Variants in KCNG2 observed in about 807,000 individuals in gnomAD.
KCNG2 encodes the protein potassium voltage-gated channel modifier subfamily G member 2, also known as voltage-gated potassium channel regulatory subunit KCNG2.
A neutral mutation model predicts 12.3 loss-of-function variants in KCNG2; 7 were observed. The observed-to-expected ratio is 0.57, with a 90% CI of 0.32 to 1.07. The LOEUF (loss-of-function observed/expected upper bound fraction) is 1.07. KCNG2 is among the 50% of genes least tolerant of loss of function. The pLI is 0.04. For synonymous variants in KCNG2, 414 were observed against 351.4 expected (o/e 1.18, Z -1.99); for missense variants, 703 against 726.0 (o/e 0.97, Z 0.36).
chr18:79,825,794 G>A (rs139021520), intron 1 of KCNG2, among the ~76,000 whole-genome samples: 2 of 152,248 alleles, frequency 1.3e-5, no homozygotes, highest in African/African-American at 4.8e-5. Context: ...TACCTGTATC[G>A]TCTGGGGGAA....
intron 3 of KCNG2, among the ~76,000 whole-genome samples, chr18:79,867,599 G>C (rs1052116659): frequency 8.0e-5 from 12 of 149,974 alleles, no homozygotes; most frequent in East Asian, 2.0e-4. Context: ...CGTGTCTGGG[G>C]GGGGACCGTG....
intron 3 of KCNG2, among the ~76,000 whole-genome samples, chr18:79,872,475 G>A (rs543213364): frequency 2.6e-5 from 4 of 151,928 alleles, no homozygotes; most frequent in Non-Finnish European, 5.9e-5. Context: ...TAGTAGAGAC[G>A]GGTTTCACCA....
chr18:79,830,940 C>T (rs1978294602), intron 1 of KCNG2, among the ~76,000 whole-genome samples: 3 of 52,962 alleles, frequency 5.7e-5, no homozygotes, highest in Admixed American at 1.6e-4. Flanking sequence ...GGGTTCCCTG[C>T]GGACAGAGCC....
intron 1 of KCNG2, among the ~76,000 whole-genome samples, chr18:79,823,248 G>A (rs577335326): frequency 1.1e-4 from 16 of 152,302 alleles, no homozygotes; most frequent in East Asian, 3.9e-4. Context: ...TTTACTCAGC[G>A]ACCTTGCTCT....
rs373805073 is a variant in KCNG2, at chr18:79,828,755, CTA to C, written c.-114-27622_-114-27621del. On this transcript the variant is annotated intron_variant, in intron 1 of 3. Transcript: ENST00000316249. The stretch of plus-strand genomic sequence containing the variant: ...TGTGCATGTGTCTGTGTGTGGGTGT[CTA>C]TGTGTGCGTGTGTGTAACGTGTCTG... Among the ~76,000 whole-genome samples the C allele has an allele frequency of 2.2e-3, 296 of 131,686 alleles. No individual in the cohort carries two copies. The Middle Eastern group carries it at 0.029, about 13-fold the overall frequency. The allele number at this position is 131,686 out of a possible 152,430, so 86.4% of individuals were successfully genotyped here.
chr18:79,823,065 C>T (rs2087584210), intron 1 of KCNG2, among the ~76,000 whole-genome samples: 1 of 152,236 alleles, frequency 6.6e-6, no homozygotes, highest in Admixed American at 6.5e-5. Context: ...TCCTCCTGCA[C>T]AGCCAGGCAG....
At chr18:79,854,863 A>G (rs367959457) in intron 1 of KCNG2, among the ~76,000 whole-genome samples, 4 of 151,978 alleles carry the variant, frequency 2.6e-5, no homozygotes, top group African/African-American at 9.7e-5. Context: ...TGGTGATTTT[A>G]CTTTCTCCTC....
chr18:79,879,519 A>G (rs913689296), intron 3 of KCNG2, among the ~76,000 whole-genome samples: 2 of 152,222 alleles, frequency 1.3e-5, no homozygotes, highest in East Asian at 3.9e-4. Context: ...GGTGAAGAGG[A>G]TCTCTCAGAA....
At chr18:79,881,902 C>T (rs11662267) in intron 3 of KCNG2, among the ~76,000 whole-genome samples, 1 of 152,030 alleles carries the variant, frequency 6.6e-6, no homozygotes, top group African/African-American at 2.4e-5. Context: ...GGAATAGAAC[C>T]ACATGAATGG....
chr18:79,880,206 C>T (rs915374513), intron 3 of KCNG2, among the ~76,000 whole-genome samples: 1 of 150,426 alleles, frequency 6.6e-6, no homozygotes, highest in East Asian at 2.0e-4. Flanking sequence ...AATAAATGGC[C>T]AGATCAGCAT....
intron 1 of KCNG2, among the ~76,000 whole-genome samples, chr18:79,802,427 C>T (rs1375014497): frequency 6.6e-6 from 1 of 151,636 alleles, no homozygotes; most frequent in African/African-American, 2.4e-5. Flanking sequence ...GGCCTTGACA[C>T]CTGTCCCAGC....
intron 1 of KCNG2, among the ~76,000 whole-genome samples, chr18:79,814,716 T>C (rs2122998640): frequency 6.6e-6 from 1 of 152,348 alleles, no homozygotes; most frequent in East Asian, 1.9e-4. Flanking sequence ...GATCCCTTTG[T>C]ATTGTTTCTT....
intron 2 of KCNG2, among the ~76,000 whole-genome samples, chr18:79,862,356 A>G (rs11081569): frequency 6.6e-6 from 1 of 152,030 alleles, no homozygotes; most frequent in Non-Finnish European, 1.5e-5. Flanking sequence ...TGTCTGTTCC[A>G]ATAGCTTAGA....
intron 1 of KCNG2, among the ~76,000 whole-genome samples, chr18:79,821,527 T>G (rs1465094370): frequency 6.6e-6 from 1 of 152,082 alleles, no homozygotes; most frequent in Non-Finnish European, 1.5e-5. Flanking sequence ...TGACCTCAGG[T>G]TGTCCACCCG....
chr18:79,830,038 A>G (rs1978291347), intron 1 of KCNG2, among the ~76,000 whole-genome samples: 2 of 152,222 alleles, frequency 1.3e-5, no homozygotes, highest in Non-Finnish European at 2.9e-5. Context: ...GCTATGATTA[A>G]ATTGGTCATG....
At chr18:79,882,712 A>AGGCCATGGAGTGGCGAGGC (rs1980346754) in intron 3 of KCNG2, among the ~76,000 whole-genome samples, 1 of 152,292 alleles carries the variant, frequency 6.6e-6, no homozygotes, top group African/African-American at 2.4e-5. Context: ...CAGGACCTGC[A>AGGCCATGGAGTGGCGAGGC]GGCCATGGAG....
chr18:79,856,807 G>A (rs942291818), intron 2 of KCNG2, among the ~76,000 whole-genome samples: 3 of 151,934 alleles, frequency 2.0e-5, no homozygotes, highest in African/African-American at 2.4e-5. Context: ...ACGTTCAGAC[G>A]ACTTCCTGCT....
At chr18:79,818,726 C>T (rs978674322) in intron 1 of KCNG2, among the ~76,000 whole-genome samples, 2 of 152,194 alleles carry the variant, frequency 1.3e-5, no homozygotes, top group South Asian at 4.1e-4. Context: ...TTCGTACCTG[C>T]GAGAGACGTC....
At chr18:79,861,385 C>A (rs1979216824) in intron 2 of KCNG2, among the ~76,000 whole-genome samples, 1 of 149,288 alleles carries the variant, frequency 6.7e-6, no homozygotes, top group Admixed American at 6.7e-5. Context: ...TCAGGCAATT[C>A]TCCCTGCCTC....
Sources: allele counts gnomAD v4.1 joint callset (sites outside exome capture counted in the v4.1 genomes callset), GRCh38; gene constraint gnomAD v4.1.1; transcripts MANE v1.5; gene names NCBI Gene and HGNC (gene_info 2026-07-23, HGNC 2026-07-21).